Variants in CHST9 observed in about 807,000 individuals in gnomAD.
The protein encoded by CHST9 is GalNAc-4-sulfotransferase 2.
Under a neutral mutation model 44.4 loss-of-function variants are expected in CHST9, and 41 were observed. The observed-to-expected ratio is 0.92, with a 90% CI of 0.72 to 1.20. The LOEUF is 1.20. Ranked by LOEUF, CHST9 falls within the 50% of genes most tolerant of loss-of-function variation. The pLI is 0.00. For missense variants in CHST9, 504 were observed against 516.5 expected, an observed-to-expected ratio of 0.98 and a Z score of 0.23; for synonymous variants, 171 against 178.4, an observed-to-expected ratio of 0.96 and a Z score of 0.33.
chr18:26,912,318 A>G lies in CHST9; in HGVS notation c.*3941T>C, dbSNP rs2055450532. On this transcript the variant is annotated 3_prime_UTR_variant, in exon 6 of 6. Transcript: ENST00000618847. Reference sequence around the variant, plus strand: ...CAAAGTCTTTGAACCTGTCAGTTTAACTCAGCAGGAATAAAGAAATAAGCT... The same window carrying G: ...CAAAGTCTTTGAACCTGTCAGTTTAGCTCAGCAGGAATAAAGAAATAAGCT... The G allele has an allele frequency of 6.6e-6, 1 of 151,592 alleles. No homozygotes were observed. The highest frequency in any genetic ancestry group is 1.5e-5 in the Non-Finnish European group (1 of 67,968). 9.4% of individuals were successfully genotyped at this position (151,592 alleles called of 1,614,324 possible).
At chr18:27,019,710 A>G (rs895437822) in intron 4 of CHST9, among the ~76,000 whole-genome samples, 51 of 150,932 alleles carry the variant, frequency 3.4e-4, no homozygotes, top group East Asian at 1.6e-3. Context: ...AAAAAAAAAA[A>G]AGAGAGAAAA....
At chr18:26,967,663 G>A (rs532844861) in intron 4 of CHST9, among the ~76,000 whole-genome samples, 6 of 152,170 alleles carry the variant, frequency 3.9e-5, no homozygotes, top group African/African-American at 1.4e-4. Flanking sequence ...TGGCCAAAAG[G>A]TGTGTGTGAT....
At chr18:27,149,939 T>G (rs1290586067) in intron 1 of CHST9, among the ~76,000 whole-genome samples, 1 of 152,128 alleles carries the variant, frequency 6.6e-6, no homozygotes, top group Non-Finnish European at 1.5e-5. Flanking sequence ...AAAATCATCC[T>G]TTATCTCTTT....
intron 3 of CHST9, among the ~76,000 whole-genome samples, chr18:27,046,405 G>A (rs955315398): frequency 3.3e-5 from 5 of 151,920 alleles, no homozygotes; most frequent in Admixed American, 6.6e-5. Flanking sequence ...TAGTGCAATA[G>A]GATAGGGTAG....
In CHST9 at chr18:27,129,937, T is replaced by C. The variant is rs146699641; in HGVS notation, c.121+12752A>G. Among the ~76,000 whole-genome samples, 59 of 151,974 alleles carry C rather than the reference T, an allele frequency of 3.9e-4. No homozygotes were observed. The East Asian group carries it at 6.8e-3, about 17-fold the overall frequency. On this transcript the variant is annotated intron_variant, in intron 2 of 5. Transcript: ENST00000618847. Reference sequence around the variant, plus strand: ...GCTATGTTCAAACCAGTTTGGGAAATAAGCCAATAATTCCAAAGGATCTTG... The same window carrying C: ...GCTATGTTCAAACCAGTTTGGGAAACAAGCCAATAATTCCAAAGGATCTTG...
intron 5 of CHST9, among the ~76,000 whole-genome samples, chr18:26,932,730 A>G (rs112799644): frequency 6.6e-6 from 1 of 152,204 alleles, no homozygotes; most frequent in Non-Finnish European, 1.5e-5. Flanking sequence ...CTGAGTGTTC[A>G]GTTGCAGTAT....
rs565507309 is a variant in CHST9 at position 27,064,577 on chromosome 18, G to A, written c.122-16074C>T. 2.5e-4 allele frequency among the ~76,000 whole-genome samples: 38 copies of A among 152,304 alleles called. No individual in the cohort carries two copies. In the South Asian group the frequency reaches 7.7e-3, roughly 31 times the overall value. On this transcript the variant is annotated intron_variant, in intron 2 of 5. Transcript: ENST00000618847. ...CGGAACTATTCATTTAAAGAATCAT[G>A]GTGGGTGCATTTTTCCATTTAAAAA...
rs547232834 is a variant in CHST9, at chr18:27,139,513, AT to A, written c.121+3175del. ...CACACACACACACATATATATATAT[AT>A]AAAAAATAAATGTCTGCCTACCTAG... On this transcript the variant is annotated intron_variant, in intron 2 of 5. Transcript: ENST00000618847. Among the ~76,000 whole-genome samples the A allele has an allele frequency of 3.7e-3, 557 of 152,054 alleles. 2 individuals carry two copies. Among genetic ancestry groups the A allele is most frequent in the Non-Finnish European group, 6.6e-3 (450 of 67,932 alleles).
At chr18:27,046,912 T>C (rs1170955215) in intron 3 of CHST9, among the ~76,000 whole-genome samples, 1 of 152,100 alleles carries the variant, frequency 6.6e-6, no homozygotes, top group Non-Finnish European at 1.5e-5. Flanking sequence ...AAAGGGATTT[T>C]TCTCATAGCC....
intron 4 of CHST9, among the ~76,000 whole-genome samples, chr18:27,013,986 GAA>G (rs2057116333): frequency 1.3e-5 from 2 of 152,198 alleles, no homozygotes; most frequent in South Asian, 4.2e-4. Context: ...TTGTATTAAT[GAA>G]ATTAAAAAGC....
intron 2 of CHST9, among the ~76,000 whole-genome samples, chr18:27,105,977 G>A (rs1035963862): frequency 3.9e-5 from 6 of 152,008 alleles, no homozygotes; most frequent in African/African-American, 1.2e-4. Flanking sequence ...TTAGGATTCC[G>A]ACTCACTGTG....
At chr18:27,078,232 A>T (rs150195311) in intron 2 of CHST9, among the ~76,000 whole-genome samples, 146 of 152,280 alleles carry the variant, frequency 9.6e-4, no homozygotes, top group Non-Finnish European at 1.9e-3. Flanking sequence ...AGTGTGACAT[A>T]CAGCCAGCCT....
chr18:27,089,067 G>A (rs1022010137), intron 2 of CHST9, among the ~76,000 whole-genome samples: 4 of 152,132 alleles, frequency 2.6e-5, no homozygotes, highest in Admixed American at 6.5e-5. Context: ...CACACTATTC[G>A]TAAAACTTAG....
intron 4 of CHST9, among the ~76,000 whole-genome samples, chr18:26,955,624 A>C (rs1181567671): frequency 6.6e-6 from 1 of 152,144 alleles, no homozygotes; most frequent in Non-Finnish European, 1.5e-5. Context: ...GTGTCTGGGG[A>C]TGACAAGAGA....
chr18:27,159,074 A>G (rs978877247), intron 1 of CHST9, among the ~76,000 whole-genome samples: 3 of 152,096 alleles, frequency 2.0e-5, no homozygotes, highest in African/African-American at 7.2e-5. Flanking sequence ...GTTCACTCTG[A>G]TGGTAGTTTC....
At chr18:27,162,037 A>T (rs1050789141) in intron 1 of CHST9, among the ~76,000 whole-genome samples, 11 of 152,108 alleles carry the variant, frequency 7.2e-5, no homozygotes, top group African/African-American at 2.4e-4. Context: ...AATACAGCAC[A>T]CTGATGGGTC....
At chr18:27,109,763 G>C (rs958533097) in intron 2 of CHST9, among the ~76,000 whole-genome samples, 2 of 152,008 alleles carry the variant, frequency 1.3e-5, no homozygotes. Context: ...AATTGGTTCC[G>C]ACAACTTTTT....
chr18:27,067,420 T>C (rs2057793775), intron 2 of CHST9, among the ~76,000 whole-genome samples: 1 of 102,494 alleles, frequency 9.8e-6, no homozygotes, highest in Non-Finnish European at 2.0e-5. Flanking sequence ...TTCATTCTCC[T>C]TAGAAAAATA....
In CHST9 at chr18:27,024,152, C is replaced by T; in HGVS notation, c.166G>A (p.Gly56Arg). The T allele has an allele frequency of 3.1e-6, 5 of 1,609,848 alleles. No individual in the cohort carries two copies. The highest frequency in any genetic ancestry group is 4.2e-6 in the Non-Finnish European group (5 of 1,178,352). Residue 56 changes from glycine (G) to arginine (R), a missense_variant, in exon 4 of 6, where the codon GGA becomes AGA. Transcript: ENST00000618847. ...RREQKVTSGWGPVKYLRPVPR... is the reference protein window; with the variant it reads ...RREQKVTSGWRPVKYLRPVPR... ...ACAGGCCGCAAGTACTTCACTGGTC[C>T]CCATCCTGAAAAAGAAGAGGAAAGA...
Sources: gnomAD v4.1 joint callset for allele counts (sites outside exome capture counted in the v4.1 genomes callset) on GRCh38, gnomAD v4.1.1 for gene constraint, MANE v1.5 for transcripts, NCBI Gene and HGNC (gene_info 2026-07-23, HGNC 2026-07-21) for gene names.